The following GALNT18 variants were observed in gnomAD, a reference collection of about 807,000 sequenced individuals.
The protein encoded by GALNT18 is GalNAc-transferase 18.
A neutral mutation model predicts 69.5 loss-of-function variants in GALNT18; 44 were observed. The observed-to-expected ratio is 0.63, with a 90% confidence interval of 0.50 to 0.81. The LOEUF (loss-of-function observed/expected upper bound fraction) is 0.81, where lower values mean the gene tolerates loss of function less well. Among genes scored for constraint, GALNT18 ranks in the 40% least tolerant of loss-of-function variants. GALNT18 has a pLI of 0.00. For missense variants in GALNT18, 715 were observed against 810.0 expected (o/e 0.88, Z 1.42); for synonymous variants, 364 against 318.2 (o/e 1.14, Z -1.53).
chr11:11,365,394 C>T (rs2133086741), intron 6 of GALNT18, among the ~76,000 whole-genome samples: 1 of 152,330 alleles, frequency 6.6e-6, no homozygotes, highest in South Asian at 2.1e-4. Flanking sequence ...TCCAGGCTAT[C>T]ATTGACAGGC....
chr11:11,615,262 C>G (rs1860016321), intron 1 of GALNT18, among the ~76,000 whole-genome samples: 2 of 152,192 alleles, frequency 1.3e-5, no homozygotes, highest in Non-Finnish European at 2.9e-5. Context: ...GAAAAACATC[C>G]AAGCTCAGGA....
chr11:11,292,878 A>C (rs1180530791), intron 10 of GALNT18, 151 bp downstream of exon 10: 7 of 598,752 alleles, frequency 1.2e-5, no homozygotes, highest in Non-Finnish European at 1.8e-5. Flanking sequence ...CAAATCCCTG[A>C]GAAGCAAAGC....
chr11:11,420,397 T>G (rs1318456751), intron 3 of GALNT18, among the ~76,000 whole-genome samples: 2 of 152,194 alleles, frequency 1.3e-5, no homozygotes, highest in African/African-American at 4.8e-5. Flanking sequence ...GCTACAGCAC[T>G]TAACTCTCAT....
At position 11,555,335 on chromosome 11, in the gene GALNT18, T is replaced by A. The variant is rs1858305945; in HGVS notation, c.235+66024A>T. Among the ~76,000 whole-genome samples, 1 of 152,170 alleles carries A rather than the reference T, an allele frequency of 6.6e-6. No individual in the cohort carries two copies. ...GCATTTTCCTGACACAGTGTAAACG[T>A]TTGCCAGAAACAGGCTTCTCATCTT... is the stretch of plus-strand genomic sequence containing the variant. On this transcript the variant is annotated intron_variant, in intron 1 of 10. Coordinates refer to ENST00000227756, the MANE Select transcript of GALNT18 (RefSeq NM_198516.3). This position sits in a 1 kb window ranked among gnomAD's most constrained non-coding sequence, Gnocchi z 4.7.
intron 3 of GALNT18, among the ~76,000 whole-genome samples, chr11:11,398,321 A>C (rs1854381715): frequency 6.6e-6 from 1 of 152,204 alleles, no homozygotes; most frequent in Non-Finnish European, 1.5e-5. Flanking sequence ...GCCTGAGCTC[A>C]CTGGGTAGCT....
chr11:11,560,000 T>C (rs1858437892), intron 1 of GALNT18, among the ~76,000 whole-genome samples: 1 of 150,938 alleles, frequency 6.6e-6, no homozygotes, highest in Non-Finnish European at 1.5e-5. Context: ...TGGGATGGTG[T>C]GGAATAGAAT....
intron 2 of GALNT18, among the ~76,000 whole-genome samples, chr11:11,437,147 G>GCT (rs1403862555): frequency 6.6e-6 from 1 of 152,292 alleles, no homozygotes; most frequent in East Asian, 1.9e-4. Context: ...AGGACACAGA[G>GCT]CTCTGGGAGT....
intron 1 of GALNT18, among the ~76,000 whole-genome samples, chr11:11,553,603 G>A (rs898293197): frequency 5.3e-5 from 8 of 152,184 alleles, no homozygotes; most frequent in African/African-American, 1.9e-4. Flanking sequence ...AAAACTCACT[G>A]AAGGAGAAAT....
rs956284734 is a variant in GALNT18 at position 11,500,184 on chromosome 11, G to T, written c.236-51248C>A. On this transcript the variant is annotated intron_variant, in intron 1 of 10. Coordinates refer to ENST00000227756, the MANE Select transcript of GALNT18 (RefSeq NM_198516.3). The surrounding 1 kb of genome is among the most constrained non-coding windows in gnomAD (Gnocchi z 5.0). ...CTCAAAGCAAGTGATAAGGAAATAG[G>T]AGCCTATAGGGAGAAAGTCACAGCA... Among the ~76,000 whole-genome samples the T allele has an allele frequency of 1.3e-5, 2 of 152,118 alleles. No individual in the cohort carries two copies. Among genetic ancestry groups the T allele is most frequent in the African/African-American group, 4.8e-5 (2 of 41,428 alleles).
Position 11,315,228 on chromosome 11 carries a change from C to T in GALNT18, c.1512+11858G>A, listed in dbSNP as rs1433150076. Among the ~76,000 whole-genome samples the T allele has an allele frequency of 6.6e-6, 1 of 152,140 alleles. No individual in the cohort carries two copies. Among genetic ancestry groups the T allele is most frequent in the South Asian group, 2.1e-4 (1 of 4,826 alleles). Reference sequence around the variant, plus strand: ...GTCAAGAGAAATTATGTGTTCAGTTCCAGGTCACAAGCTAACCAGTGGTGG... The same window carrying T: ...GTCAAGAGAAATTATGTGTTCAGTTTCAGGTCACAAGCTAACCAGTGGTGG... On this transcript the variant is annotated intron_variant, in intron 9 of 10. Transcript: ENST00000227756. This position sits in a 1 kb window ranked among gnomAD's most constrained non-coding sequence, Gnocchi z 5.6.
chr11:11,416,843 A>G (rs189822374), intron 3 of GALNT18, among the ~76,000 whole-genome samples: 2 of 152,282 alleles, frequency 1.3e-5, no homozygotes, highest in African/African-American at 4.8e-5. Flanking sequence ...CCTCAAAATG[A>G]TAGCAGCCCA....
At position 11,314,783 on chromosome 11, in the gene GALNT18, A is replaced by T. The variant is rs1849723232; in HGVS notation, c.1512+12303T>A. On this transcript the variant is annotated intron_variant, in intron 9 of 10. Coordinates refer to ENST00000227756, the MANE Select transcript of GALNT18 (RefSeq NM_198516.3). The surrounding 1 kb of genome is among the most constrained non-coding windows in gnomAD (Gnocchi z 5.2). ...GATTCTAAGGAGTCAGTGCTGGTAG[A>T]GAAAGCAGCGCTGCTGGGTGGTAGC... Among the ~76,000 whole-genome samples, 3 of 152,186 alleles carry T rather than the reference A, an allele frequency of 2.0e-5. No individual in the cohort carries two copies. Among genetic ancestry groups the T allele is most frequent in the Non-Finnish European group, 2.9e-5 (2 of 68,028 alleles).
Position 11,616,744 on chromosome 11 carries a change from T to C in GALNT18, c.235+4615A>G, listed in dbSNP as rs993792906. 4.6e-5 allele frequency among the ~76,000 whole-genome samples: 7 copies of C among 152,246 alleles called. No individual in the cohort carries two copies. ...AATAGTTGAGTTTTACACTTACCAG[T>C]GGTCCACTGGGTTTGTTCTCAAACG... is the stretch of plus-strand genomic sequence containing the variant. On this transcript the variant is annotated intron_variant, in intron 1 of 10. Transcript: ENST00000227756. This position sits in a 1 kb window ranked among gnomAD's most constrained non-coding sequence, Gnocchi z 4.4.
chr11:11,352,449 C>T (rs779282650), intron 6 of GALNT18: 3 of 1,614,174 alleles, frequency 1.9e-6, no homozygotes, highest in African/African-American at 1.3e-5. Context: ...AAAGATCATA[C>T]TTGCCAGCAT....
intron 3 of GALNT18, among the ~76,000 whole-genome samples, chr11:11,407,255 C>T (rs897409920): frequency 2.6e-5 from 4 of 152,226 alleles, no homozygotes; most frequent in African/African-American, 9.6e-5. Flanking sequence ...GCGTGTCCAG[C>T]TGACAGTCAT....
chr11:11,380,716 C>A (rs80299281), intron 3 of GALNT18, among the ~76,000 whole-genome samples: 3,241 of 152,292 alleles, frequency 0.021, 134 homozygotes, highest in East Asian at 0.17. Flanking sequence ...CACATGGGTG[C>A]CTGCTCTGAG....
intron 9 of GALNT18, among the ~76,000 whole-genome samples, chr11:11,302,145 C>A (rs964641012): frequency 5.3e-5 from 8 of 152,144 alleles, no homozygotes; most frequent in African/African-American, 1.9e-4. Context: ...GGGTAGCACC[C>A]CGCTGGTCCC....
chr11:11,507,540 T>C (rs1395621928), intron 1 of GALNT18, among the ~76,000 whole-genome samples: 1 of 152,182 alleles, frequency 6.6e-6, no homozygotes, highest in Non-Finnish European at 1.5e-5. Context: ...TCCCCTTCCC[T>C]AACTTTTTAG....
At position 11,314,042 on chromosome 11, in the gene GALNT18, G is replaced by C. The variant is rs987385374; in HGVS notation, c.1512+13044C>G. Among the ~76,000 whole-genome samples the C allele has an allele frequency of 2.0e-5, 3 of 152,178 alleles. No homozygotes were observed. Among genetic ancestry groups the C allele is most frequent in the African/African-American group, 7.2e-5 (3 of 41,434 alleles). On this transcript the variant is annotated intron_variant, in intron 9 of 10. Transcript: ENST00000227756. The surrounding 1 kb of genome is among the most constrained non-coding windows in gnomAD (Gnocchi z 5.2). ...CGCCCCCATTTTACTGATCAGGGAG[G>C]CTCAGTGAGGTAATGTGACTTGGCA...
Sources: allele counts gnomAD v4.1 joint callset (sites outside exome capture counted in the v4.1 genomes callset), GRCh38; gene constraint gnomAD v4.1.1; non-coding constraint Gnocchi (gnomAD v3.1); transcripts MANE v1.5; gene names NCBI Gene and HGNC (gene_info 2026-07-23, HGNC 2026-07-21).